Variants in WDR41 observed in about 807,000 individuals in gnomAD.
The protein encoded by WDR41 is WD repeat domain 41.
A neutral mutation model predicts 69.3 loss-of-function variants in WDR41; 63 were observed. The ratio of observed to expected loss-of-function variants is 0.91; its 90% CI spans 0.74 to 1.12. The LOEUF is 1.12. WDR41 is among the 50% of genes most tolerant of loss of function. The pLI, the probability that WDR41 is intolerant of heterozygous loss-of-function variation, is 0.00. For missense variants in WDR41, 543 were observed against 534.5 expected (o/e 1.02, Z -0.16); for synonymous variants, 185 against 192.1 (o/e 0.96, Z 0.31).
chr5:77,533,523 T>C (rs1441457991), intron 1 of WDR41, among the ~76,000 whole-genome samples: 1 of 152,124 alleles, frequency 6.6e-6, no homozygotes, highest in East Asian at 1.9e-4. Context: ...AGGCAATGTA[T>C]ATATACCTAC....
upstream of WDR41, chr5:77,492,412 C>T: frequency 1.5e-6 from 1 of 651,786 alleles, no homozygotes; most frequent in East Asian, 3.3e-5. Context: ...CGCTCCCGTA[C>T]CCAGCCACGG....
At position 77,553,397 on chromosome 5, in the gene WDR41, C is replaced by T. The variant is rs529757992; in HGVS notation, c.43-63825G>A. ...AAAAAGGGCCTAAGCTAGTTCCCTC[C>T]AGCTAGGCACCAATTCATTCATGAG... On this transcript the variant is annotated intron_variant, in intron 1 of 5. Coordinates refer to the WDR41 transcript ENST00000509971. 7.9e-5 allele frequency among the ~76,000 whole-genome samples: 12 copies of T among 152,242 alleles called. No homozygotes were observed. The South Asian group carries it at 2.1e-3, about 26-fold the overall frequency.
At chr5:77,620,507 T>A (rs1030387190) in exon 1 of WDR41, 1 of 384,394 alleles carries the variant, frequency 2.6e-6, no homozygotes. Flanking sequence ...ACTTGAACAA[T>A]TAGCTTCATG....
chr5:77,454,448 T>G (rs1369275014), intron 5 of WDR41, among the ~76,000 whole-genome samples: 3 of 152,202 alleles, frequency 2.0e-5, no homozygotes, highest in African/African-American at 4.8e-5. Flanking sequence ...GCCACTAAGT[T>G]TTGAGGTAAT....
At chr5:77,504,431 A>G (rs1357995130) in intron 1 of WDR41, among the ~76,000 whole-genome samples, 1 of 152,218 alleles carries the variant, frequency 6.6e-6, no homozygotes, top group African/African-American at 2.4e-5. Flanking sequence ...TCACAGCTGA[A>G]TTCTACCAGA....
At chr5:77,514,106 C>T (rs1581781138) in intron 1 of WDR41, among the ~76,000 whole-genome samples, 2 of 152,032 alleles carry the variant, frequency 1.3e-5, no homozygotes, top group South Asian at 2.1e-4. Flanking sequence ...AATTATAGTA[C>T]ATTATACAGA....
chr5:77,448,304 C>T (rs748614259), intron 8 of WDR41, among the ~76,000 whole-genome samples: 1 of 152,144 alleles, frequency 6.6e-6, no homozygotes, highest in African/African-American at 2.4e-5. Flanking sequence ...CTGTCTCCAT[C>T]CATGGCTAGA....
chr5:77,601,640 A>G (rs181201321), intron 1 of WDR41, among the ~76,000 whole-genome samples: 1 of 152,252 alleles, frequency 6.6e-6, no homozygotes, highest in East Asian at 1.9e-4. Flanking sequence ...CTGCTTCAAT[A>G]TGAAGCTACT....
intron 2 of WDR41, among the ~76,000 whole-genome samples, chr5:77,485,489 CATCT>C (rs1801473742): frequency 6.6e-6 from 1 of 152,160 alleles, no homozygotes; most frequent in South Asian, 2.1e-4. Context: ...CATCATGGGT[CATCT>C]GATTCCTTTC....
chr5:77,557,793 C>A (rs934660187), intron 1 of WDR41, among the ~76,000 whole-genome samples: 1 of 151,860 alleles, frequency 6.6e-6, no homozygotes, highest in Non-Finnish European at 1.5e-5. Context: ...GAAAACAGCC[C>A]AAATGTTTAC....
intron 12 of WDR41, among the ~76,000 whole-genome samples, chr5:77,433,910 G>A (rs1411788967): frequency 1.3e-5 from 2 of 152,226 alleles, no homozygotes; most frequent in Non-Finnish European, 2.9e-5. Flanking sequence ...GAAGGAATAG[G>A]CTGGAAGCTA....
At chr5:77,519,479 C>T (rs911859252) in intron 1 of WDR41, among the ~76,000 whole-genome samples, 2 of 151,608 alleles carry the variant, frequency 1.3e-5, no homozygotes, top group Admixed American at 1.3e-4. Context: ...ATTTAATCTA[C>T]CCACTGCTCT....
chr5:77,519,774 T>A (rs1802345837), intron 1 of WDR41, among the ~76,000 whole-genome samples: 2 of 151,814 alleles, frequency 1.3e-5, no homozygotes, highest in East Asian at 3.9e-4. Flanking sequence ...GTACTTAAAT[T>A]TTTTCATGAA....
At chr5:77,456,228 TG>T (rs1048479792) in intron 5 of WDR41, among the ~76,000 whole-genome samples, 7 of 152,194 alleles carry the variant, frequency 4.6e-5, no homozygotes, top group Non-Finnish European at 7.3e-5. Flanking sequence ...AGGTTAGTCG[TG>T]AACTCCTGAC....
At chr5:77,547,373 T>C (rs975764440) in intron 1 of WDR41, among the ~76,000 whole-genome samples, 7 of 152,040 alleles carry the variant, frequency 4.6e-5, no homozygotes, top group Non-Finnish European at 1.0e-4. Context: ...TAGAAAACCC[T>C]AAAGACTCCT....
intron 8 of WDR41, among the ~76,000 whole-genome samples, chr5:77,448,545 C>T (rs1799478344): frequency 6.6e-6 from 1 of 152,032 alleles, no homozygotes; most frequent in South Asian, 2.1e-4. Context: ...CCTCGCTCCC[C>T]TTTGTCTCAC....
chr5:77,469,818 T>G (rs1800488046), intron 2 of WDR41, among the ~76,000 whole-genome samples: 1 of 151,984 alleles, frequency 6.6e-6, no homozygotes, highest in Non-Finnish European at 1.5e-5. Flanking sequence ...TAACTGAAAG[T>G]GACAGGGAGA....
At chr5:77,441,052 T>A in intron 8 of WDR41, 55 bp from the exon 9 acceptor site, 1 of 1,572,658 alleles carries the variant, frequency 6.4e-7, no homozygotes, top group African/African-American at 1.4e-5. Context: ...TGTAAAGATA[T>A]AACTGAATGG....
intron 1 of WDR41, among the ~76,000 whole-genome samples, chr5:77,566,533 CAT>C (rs1379969471): frequency 6.6e-6 from 1 of 152,164 alleles, no homozygotes; most frequent in African/African-American, 2.4e-5. Flanking sequence ...AGCCAAGACA[CAT>C]ATTTCATTAG....
Sources: gnomAD v4.1 joint callset for allele counts (sites outside exome capture counted in the v4.1 genomes callset) on GRCh38, gnomAD v4.1.1 for gene constraint, MANE v1.5 for transcripts, NCBI Gene and HGNC (gene_info 2026-07-23, HGNC 2026-07-21) for gene names.